NFAT5: variants seen among roughly 807,000 people sequenced by gnomAD.
The protein encoded by NFAT5 is nuclear factor of activated T-cells 5.
In NFAT5, 31 loss-of-function variants were observed where a neutral mutation model predicts 166.5. That is an observed-to-expected ratio of 0.19 (90% confidence interval 0.14 to 0.25). The LOEUF (loss-of-function observed/expected upper bound fraction) is 0.25, where lower values mean the gene tolerates loss of function less well. NFAT5 is among the 10% of genes least tolerant of loss of function. NFAT5 has a pLI of 1.00. For synonymous variants in NFAT5, 612 were observed against 639.7 expected (o/e 0.96, Z 0.65); for missense variants, 1,449 against 1,821.8 (o/e 0.80, Z 3.72).
At chr16:69,603,326 AG>A (rs1186051161) in intron 2 of NFAT5, among the ~76,000 whole-genome samples, 2 of 152,218 alleles carry the variant, frequency 1.3e-5, no homozygotes, top group Non-Finnish European at 2.9e-5. Flanking sequence ...ATCTTCATGT[AG>A]TAGAACATTA....
intron 2 of NFAT5, among the ~76,000 whole-genome samples, chr16:69,582,791 G>A (rs964106384): frequency 6.6e-6 from 1 of 151,516 alleles, no homozygotes; most frequent in African/African-American, 2.4e-5. Flanking sequence ...TTGAAATTAG[G>A]AAGCGTGAGC....
At position 69,667,131 on chromosome 16, in the gene NFAT5, A is replaced by G. The variant is rs868808322; in HGVS notation, c.1370-2846A>G. On this transcript the variant is annotated intron_variant, in intron 7 of 14. Transcript: ENST00000349945. ...GGTGGGAATTGAACAATGAGAACAC[A>G]TGGACACAGGAAGGGGAACATCACA... 1.4e-3 allele frequency among the ~76,000 whole-genome samples: 188 copies of G among 134,148 alleles called. 1 individual carries two copies. Among genetic ancestry groups the G allele is most frequent in the Admixed American group, 5.1e-3 (56 of 11,050 alleles). 88.0% of individuals were successfully genotyped at this position (134,148 alleles called of 152,430 possible). A position where few individuals can be genotyped will look rare whatever the true frequency, so the allele number is the denominator to read the frequency against.
intron 2 of NFAT5, among the ~76,000 whole-genome samples, chr16:69,610,455 C>G (rs906582169): frequency 2.6e-5 from 4 of 152,130 alleles, no homozygotes; most frequent in South Asian, 4.1e-4. Context: ...TTTGCTTATT[C>G]ATTCATTTGT....
chr16:69,570,020 A>G (rs2016339935), intron 2 of NFAT5, among the ~76,000 whole-genome samples: 1 of 152,200 alleles, frequency 6.6e-6, no homozygotes, highest in African/African-American at 2.4e-5. Flanking sequence ...TGTCATAATC[A>G]TAGAGATGAT....
rs2016076491 is a variant in NFAT5 at position 69,566,783 on chromosome 16, C to T, written c.73+409C>T. On this transcript the variant is annotated intron_variant, in intron 1 of 14. Coordinates refer to ENST00000349945, the MANE Select transcript of NFAT5 (RefSeq NM_138713.4). The surrounding 1 kb of genome is among the most constrained non-coding windows in gnomAD (Gnocchi z 5.7). Reference sequence around the variant, plus strand: ...GGCGCCGCGTCTTCTCTTACCGGGACCCTCCTCCCCAGCAAAGTTGCCCCC... The same window carrying T: ...GGCGCCGCGTCTTCTCTTACCGGGATCCTCCTCCCCAGCAAAGTTGCCCCC... Among the ~76,000 whole-genome samples the T allele has an allele frequency of 6.6e-6, 1 of 152,180 alleles. No homozygotes were observed. Among genetic ancestry groups the T allele is most frequent in the African/African-American group, 2.4e-5 (1 of 41,456 alleles).
chr16:69,618,809 TATA>T (rs1287203859), intron 2 of NFAT5, among the ~76,000 whole-genome samples: 1 of 152,222 alleles, frequency 6.6e-6, no homozygotes, highest in Non-Finnish European at 1.5e-5. Flanking sequence ...TTTTCAGGAT[TATA>T]ATGTTTGCAT....
intron 3 of NFAT5, among the ~76,000 whole-genome samples, chr16:69,626,948 A>G (rs2034485786): frequency 2.0e-5 from 3 of 152,114 alleles, no homozygotes; most frequent in Admixed American, 6.5e-5. Flanking sequence ...AGTGTCTTTT[A>G]TATTCATAGC....
At chr16:69,695,538 T>C in intron 14 of NFAT5, 159 bp downstream of exon 14, 1 of 629,374 alleles carries the variant, frequency 1.6e-6, no homozygotes, top group South Asian at 2.0e-5. Context: ...TGATAGCTTA[T>C]GGTCATATAG....
At chr16:69,646,651 T>C (rs1380667688) in intron 3 of NFAT5, 1 of 509,960 alleles carries the variant, frequency 2.0e-6, no homozygotes, top group African/African-American at 2.1e-5. Context: ...AATTATTTAA[T>C]TGGCATTGAA....
At chr16:69,594,124 C>A (rs1048030534) in intron 2 of NFAT5, among the ~76,000 whole-genome samples, 2 of 152,286 alleles carry the variant, frequency 1.3e-5, no homozygotes, top group Admixed American at 1.3e-4. Flanking sequence ...TCGTGTGTAA[C>A]TTTATGATGG....
intron 3 of NFAT5, chr16:69,632,426 T>C (rs1180137278): frequency 1.3e-5 from 2 of 152,258 alleles, no homozygotes; most frequent in East Asian, 1.9e-4. Context: ...ATCACTTCGA[T>C]TAGGGAAACG....
intron 3 of NFAT5, among the ~76,000 whole-genome samples, chr16:69,640,968 C>T (rs1330197431): frequency 7.1e-6 from 1 of 140,730 alleles, no homozygotes; most frequent in East Asian, 2.1e-4. Flanking sequence ...GCAACAGGAG[C>T]GAAACTCCAT....
At chr16:69,590,014 CTT>C (rs2032360204) in intron 2 of NFAT5, among the ~76,000 whole-genome samples, 1 of 151,852 alleles carries the variant, frequency 6.6e-6, no homozygotes, top group African/African-American at 2.4e-5. Context: ...TCTACAAAAA[CTT>C]TAAAAAAACT....
At chr16:69,652,975 C>G (rs1330305558) in intron 4 of NFAT5, among the ~76,000 whole-genome samples, 1 of 152,146 alleles carries the variant, frequency 6.6e-6, no homozygotes, top group East Asian at 1.9e-4. Context: ...TTCCTCCTAC[C>G]ACTCACATAC....
In NFAT5 at chr16:69,703,566, G is replaced by A. The variant is rs946444131; in HGVS notation, c.*7215G>A. 2.6e-5 allele frequency: 4 copies of A among 152,428 alleles called. No individual in the cohort carries two copies. The highest frequency in any genetic ancestry group is 7.3e-5 in the African/African-American group (3 of 41,354). The allele number at this position is 152,428 out of a possible 1,614,324, so 9.4% of individuals were successfully genotyped here. A position where few individuals can be genotyped will look rare whatever the true frequency, so the allele number is the denominator to read the frequency against. The stretch of plus-strand genomic sequence containing the variant: ...TTACAAATTACCAGTTAATTAACTC[G>A]TGAAAGAAAAATTCACATATCAGAA... On this transcript the variant is annotated 3_prime_UTR_variant, in exon 15 of 15. Transcript: ENST00000349945.
At chr16:69,652,750 G>GT (rs1234191428) in intron 4 of NFAT5, among the ~76,000 whole-genome samples, 1 of 83,150 alleles carries the variant, frequency 1.2e-5, no homozygotes, top group Non-Finnish European at 2.3e-5. Flanking sequence ...TTGGGGGTTT[G>GT]TTTTTTGTTT....
intron 2 of NFAT5, among the ~76,000 whole-genome samples, chr16:69,604,168 G>T (rs1342940125): frequency 6.6e-6 from 1 of 152,126 alleles, no homozygotes; most frequent in African/African-American, 2.4e-5. Flanking sequence ...GCAGAGCTGG[G>T]ATTTAAATGG....
intron 2 of NFAT5, among the ~76,000 whole-genome samples, chr16:69,612,730 T>A (rs979161207): frequency 6.6e-6 from 1 of 151,542 alleles, no homozygotes; most frequent in African/African-American, 2.4e-5. Context: ...AAAACCTAGC[T>A]AGGCATAGTG....
chr16:69,679,935 G>A (rs990935113), intron 10 of NFAT5, among the ~76,000 whole-genome samples: 24 of 151,980 alleles, frequency 1.6e-4, no homozygotes, highest in African/African-American at 5.3e-4. Flanking sequence ...TGGCTAACAC[G>A]GTGAAACCCA....
Sources: allele counts gnomAD v4.1 joint callset (sites outside exome capture counted in the v4.1 genomes callset), GRCh38; gene constraint gnomAD v4.1.1; non-coding constraint Gnocchi (gnomAD v3.1); transcripts MANE v1.5; gene names NCBI Gene and HGNC (gene_info 2026-07-23, HGNC 2026-07-21).